Variants in ELANE observed in about 807,000 individuals in gnomAD.
The protein encoded by ELANE is neutrophil elastase.
A neutral mutation model predicts 20.6 loss-of-function variants in ELANE; 12 were observed. The observed-to-expected ratio is 0.58, with a 90% CI of 0.37 to 0.94. The LOEUF (loss-of-function observed/expected upper bound fraction) is 0.94, where lower values mean the gene tolerates loss of function less well. ELANE is among the 40% of genes least tolerant of loss of function. The probability of loss-of-function intolerance (pLI) is 0.01; values close to 1 mark genes in which losing one functional copy is unlikely to be tolerated. For missense variants in ELANE, 388 were observed against 395.2 expected (o/e 0.98, Z 0.15); for synonymous variants, 203 against 177.4 (o/e 1.14, Z -1.15).
rs569608929 is a variant in ELANE, at chr19:853,270, G to A, written c.233G>A (p.Arg78His). 74 of 1,602,138 alleles carry A rather than the reference G, an allele frequency of 4.6e-5. No individual in the cohort carries two copies. Among genetic ancestry groups the A allele is most frequent in the Non-Finnish European group, 6.0e-5 (70 of 1,175,106 alleles). ...CTCTCCCTCCCCGGCAGAAACGTCC[G>A]CGCGGTGCGGGTGGTCCTGGGAGCC... ...AAHCVANVNVRAVRVVLGAHN... is the reference protein window; with the variant it reads ...AAHCVANVNVHAVRVVLGAHN... Residue 78 changes from arginine (R) to histidine (H), a missense_variant, in exon 3 of 5, where the codon CGC becomes CAC. Coordinates refer to ENST00000263621, the MANE Select transcript of ELANE (RefSeq NM_001972.4).
rs587780933 is a variant in ELANE at position 852,934 on chromosome 19, C to T, written c.126C>T (p.Pro42=). 2.3e-5 allele frequency: 37 copies of T among 1,597,722 alleles called. No homozygotes were observed. Among genetic ancestry groups the T allele is most frequent in the Non-Finnish European group, 3.0e-5 (35 of 1,177,990 alleles). The change falls in exon 2 of 5, where the codon CCC becomes CCT. Residue 42 remains proline (P), a synonymous_variant. Transcript: ENST00000263621. ...GGRRARPHAW[P]FMVSLQLRGG... ...GGCGAGCGCGGCCCCACGCGTGGCC[C>T]TTCATGGTGTCCCTGCAGCTGCGCG...
chr19:852,845 C>T lies in ELANE; in HGVS notation c.68-31C>T, dbSNP rs2035614846. ...GGGAGGGGACAGGCTCCTTGGCAGGCACTCAGCACCCGCACCCGGTGTGTC... is the reference window on the plus strand; with the variant it reads ...GGGAGGGGACAGGCTCCTTGGCAGGTACTCAGCACCCGCACCCGGTGTGTC... On this transcript the variant is annotated intron_variant, in intron 1 of 4. Coordinates refer to ENST00000263621, the MANE Select transcript of ELANE (RefSeq NM_001972.4). 4.4e-6 allele frequency: 7 copies of T among 1,588,592 alleles called. 1 individual carries two copies. In the African/African-American group the frequency reaches 8.1e-5, roughly 18 times the overall value.
At chr19:852,421 C>T in intron 1 of ELANE, 26 bp downstream of exon 1, 1 of 1,602,732 alleles carries the variant, frequency 6.2e-7, no homozygotes, top group Non-Finnish European at 8.5e-7. Context: ...CAACCTCCCG[C>T]TGCTCCCTCT....
In ELANE at chr19:855,326, T is replaced by C. The variant is rs1290687054; in HGVS notation, c.367-238T>C. ...TGTTAACTGAGCACCTACTGCTTCC[T>C]GCACTCAAGCCACATCCAGGGACAA... is the stretch of plus-strand genomic sequence containing the variant. On this transcript the variant is annotated intron_variant, in intron 3 of 4. Transcript: ENST00000263621. This position sits in a 1 kb window ranked among gnomAD's most constrained non-coding sequence, Gnocchi z 6.2. 6.6e-6 allele frequency among the ~76,000 whole-genome samples: 1 copy of C among 152,146 alleles called. No homozygotes were observed. Among genetic ancestry groups the C allele is most frequent in the Non-Finnish European group, 1.5e-5 (1 of 68,016 alleles).
At position 855,475 on chromosome 19, in the gene ELANE, C is replaced by T; in HGVS notation, c.367-89C>T. 1 of 1,402,888 alleles carries T rather than the reference C, an allele frequency of 7.1e-7. No individual in the cohort carries two copies. The allele number at this position is 1,402,888 out of a possible 1,614,324, so 86.9% of individuals were successfully genotyped here. A position where few individuals can be genotyped will look rare whatever the true frequency, so the allele number is the denominator to read the frequency against. ...GCAGGATCCCAGAACCACAGTGGAA[C>T]CTGAGATGGGGAAACTGAGGCCCGG... On this transcript the variant is annotated intron_variant, in intron 3 of 4. Transcript: ENST00000263621. The surrounding 1 kb of genome is among the most constrained non-coding windows in gnomAD (Gnocchi z 6.2).
Position 853,023 on chromosome 19 carries a change from T to C in ELANE, c.215T>C (p.Val72Ala). The C allele has an allele frequency of 6.4e-7, 1 of 1,557,674 alleles. No homozygotes were observed. Among genetic ancestry groups the C allele is most frequent in the Non-Finnish European group, 8.6e-7 (1 of 1,158,794 alleles). Residue 72 changes from valine to alanine, a missense_variant, in exon 2 of 5, where the codon GTG becomes GCG. By Grantham distance (64) the Val-to-Ala change is moderately conservative (BLOSUM62 0). This residue lies in a region of ELANE where 321 missense variants were observed against 309.8 expected (regional missense o/e 1.04). Coordinates refer to ENST00000263621, the MANE Select transcript of ELANE (RefSeq NM_001972.4). ...TTCGTCATGTCGGCCGCGCACTGCG[T>C]GGCGAATGTGTGAGTAGCCGGGAGT... ...PNFVMSAAHC[V>A]ANVNVRAVRV...
At chr19:854,035 CTT>C (rs2145146129) in intron 3 of ELANE, among the ~76,000 whole-genome samples, 1 of 152,346 alleles carries the variant, frequency 6.6e-6, no homozygotes, top group East Asian at 1.9e-4. Context: ...TACTGAGATT[CTT>C]TGTGTCTCTC....
intron 1 of ELANE, 41 bp from the exon 2 acceptor site, chr19:852,835 C>G: frequency 6.3e-7 from 1 of 1,585,966 alleles, no homozygotes; most frequent in Non-Finnish European, 8.5e-7. Flanking sequence ...GGGACAGGCT[C>G]CTTGGCAGGC....
intron 3 of ELANE, among the ~76,000 whole-genome samples, chr19:854,584 G>A (rs894771351): frequency 2.0e-5 from 3 of 150,694 alleles, no homozygotes; most frequent in Admixed American, 1.3e-4. Flanking sequence ...AGCTTGGAAT[G>A]GGGGGTAGCT....
rs1278259570 is a variant in ELANE, at chr19:855,889, C to T, written c.598-69C>T. The T allele has an allele frequency of 1.9e-6, 3 of 1,607,588 alleles. No homozygotes were observed. The highest frequency in any genetic ancestry group is 1.3e-5 in the African/African-American group (1 of 74,862). On this transcript the variant is annotated intron_variant, in intron 4 of 4. Transcript: ENST00000263621. The surrounding 1 kb of genome is among the most constrained non-coding windows in gnomAD (Gnocchi z 6.2). ...CTAGACCCTAGGAGGGACTTCCCAA[C>T]CCTGACAGGCGGCGGGCAGGTGGGC...
rs200503891 is a variant in ELANE at position 853,257 on chromosome 19, G to A, written c.225-5G>A. The A allele has an allele frequency of 1.3e-6, 2 of 1,587,842 alleles. No homozygotes were observed. Among genetic ancestry groups the A allele is most frequent in the African/African-American group, 1.4e-5 (1 of 73,800 alleles). On this transcript the variant is annotated splice_polypyrimidine_tract_variant and splice_region_variant and intron_variant, in intron 2 of 4. Coordinates refer to ENST00000263621, the MANE Select transcript of ELANE (RefSeq NM_001972.4). ...CCCTGAGCCCCGCCTCTCCCTCCCC[G>A]GCAGAAACGTCCGCGCGGTGCGGGT...
Position 855,604 on chromosome 19 carries a change from C to G in ELANE, c.407C>G (p.Ala136Gly). The G allele has an allele frequency of 6.2e-7, 1 of 1,601,592 alleles. No homozygotes were observed. Among genetic ancestry groups the G allele is most frequent in the Non-Finnish European group, 8.5e-7 (1 of 1,179,820 alleles). ...SATINANVQV[A>G]QLPAQGRRLG... Reference sequence around the variant, plus strand: ...ACCATCAACGCCAACGTGCAGGTGGCCCAGCTGCCGGCTCAGGGACGCCGC... The same window carrying G: ...ACCATCAACGCCAACGTGCAGGTGGGCCAGCTGCCGGCTCAGGGACGCCGC... Residue 136 changes from alanine to glycine, a missense_variant, in exon 4 of 5, where the codon GCC (alanine) becomes GGC (glycine). This residue lies in a region of ELANE where 321 missense variants were observed against 309.8 expected (regional missense o/e 1.04). Coordinates refer to ENST00000263621, the MANE Select transcript of ELANE (RefSeq NM_001972.4). The surrounding 1 kb of genome is among the most constrained non-coding windows in gnomAD (Gnocchi z 6.2).
chr19:854,877 C>G (rs1599293075), intron 3 of ELANE, among the ~76,000 whole-genome samples: 1 of 148,950 alleles, frequency 6.7e-6, no homozygotes, highest in Non-Finnish European at 1.5e-5. Flanking sequence ...TTTTTTGAGA[C>G]AAGTCTCGCT....
At position 855,646 on chromosome 19, in the gene ELANE, A is replaced by AGT; in HGVS notation, c.451_452dup (p.Leu152AlafsTer24). The AGT allele has an allele frequency of 6.2e-7, 1 of 1,606,758 alleles. No homozygotes were observed. The highest frequency in any genetic ancestry group is 1.3e-5 in the African/African-American group (1 of 75,050). On this transcript the variant is annotated frameshift_variant, in exon 4 of 5. Transcript: ENST00000263621. LOFTEE classifies it high-confidence loss of function. This position sits in a 1 kb window ranked among gnomAD's most constrained non-coding sequence, Gnocchi z 6.2. ...GGACGCCGCCTGGGCAACGGGGTGC[A>AGT]GTGCCTGGCCATGGGCTGGGGCCTT...
intron 1 of ELANE, 57 bp downstream of exon 1, chr19:852,452 C>T: frequency 6.4e-7 from 1 of 1,572,080 alleles, no homozygotes; most frequent in South Asian, 1.1e-5. Context: ...CTGTTCCCAC[C>T]TCTCCATAGA....
In ELANE at chr19:855,689, G is replaced by C. The variant is rs200050022; in HGVS notation, c.492G>C (p.Gly164=). Residue 164 remains glycine (G), a synonymous_variant, in exon 4 of 5, where the codon GGG becomes GGC. Coordinates refer to ENST00000263621, the MANE Select transcript of ELANE (RefSeq NM_001972.4). The surrounding 1 kb of genome is among the most constrained non-coding windows in gnomAD (Gnocchi z 6.2). ...MGWGLLGRNR[G]IASVLQELNV... ...GGGGCCTTCTGGGCAGGAACCGTGG[G>C]ATCGCCAGCGTCCTGCAGGAGCTCA... 6 of 1,609,400 alleles carry C rather than the reference G, an allele frequency of 3.7e-6. No individual in the cohort carries two copies. The highest frequency in any genetic ancestry group is 5.1e-6 in the Non-Finnish European group (6 of 1,179,934).
Position 852,904 on chromosome 19 carries a change from G to A in ELANE, c.96G>A (p.Gly32=), listed in dbSNP as rs565787338. Residue 32 remains glycine, a synonymous_variant, in exon 2 of 5, where the codon GGG becomes GGA. Transcript: ENST00000263621. The stretch of plus-strand genomic sequence containing the variant: ...CCGCGCTGGCCTCGGAGATTGTGGG[G>A]GGCCGGCGAGCGCGGCCCCACGCGT... The part of the protein sequence containing the change: ...GGTALASEIV[G]GRRARPHAWP... 12 of 1,596,682 alleles carry A rather than the reference G, an allele frequency of 7.5e-6. No homozygotes were observed. The highest frequency in any genetic ancestry group is 5.3e-5 in the African/African-American group (4 of 74,930).
At chr19:854,060 C>T (rs1343782529) in intron 3 of ELANE, among the ~76,000 whole-genome samples, 1 of 152,242 alleles carries the variant, frequency 6.6e-6, no homozygotes, top group Non-Finnish European at 1.5e-5. Context: ...TTCACCAGTC[C>T]TGTGGCCCAG....
Position 855,839 on chromosome 19 carries a change from C to T in ELANE, c.597+45C>T, listed in dbSNP as rs373040616. On this transcript the variant is annotated intron_variant, in intron 4 of 4. Coordinates refer to ENST00000263621, the MANE Select transcript of ELANE (RefSeq NM_001972.4). The surrounding 1 kb of genome is among the most constrained non-coding windows in gnomAD (Gnocchi z 6.2). ...CTCTGCTCCCCACCCGCTCCCAGCC[C>T]GGACTGCAGCAACAGGCACCGTGGC... is the stretch of plus-strand genomic sequence containing the variant. The T allele has an allele frequency of 1.8e-5, 29 of 1,605,048 alleles. 1 individual carries two copies. Among genetic ancestry groups the T allele is most frequent in the Middle Eastern group, 2.2e-4 (1 of 4,576 alleles).
Sources: gnomAD v4.1 joint callset for allele counts (sites outside exome capture counted in the v4.1 genomes callset) on GRCh38, gnomAD v4.1.1 for gene constraint, gnomAD v4.1.1 regional missense constraint, Gnocchi (gnomAD v3.1) non-coding constraint, MANE v1.5 for transcripts, NCBI Gene and HGNC (gene_info 2026-07-23, HGNC 2026-07-21) for gene names.